Variants in CD69 observed in about 807,000 individuals in gnomAD.
CD69 encodes early activation antigen CD69.
In CD69, 10 loss-of-function variants were observed where a neutral mutation model predicts 21.4. The observed-to-expected ratio is 0.47, with a 90% CI of 0.29 to 0.79. CD69 has a LOEUF of 0.79. Among genes scored for constraint, CD69 ranks in the 30% least tolerant of loss-of-function variants. The pLI is 0.09. For synonymous variants in CD69, 63 were observed against 78.2 expected (o/e 0.81, Z 1.03); for missense variants, 204 against 236.9 (o/e 0.86, Z 0.91).
chr12:9,753,972 G>A (rs1180776998), intron 4 of CD69, among the ~76,000 whole-genome samples: 4 of 152,152 alleles, frequency 2.6e-5, no homozygotes, highest in Non-Finnish European at 5.9e-5. Context: ...TGTGGATATG[G>A]AGCCATAGGA....
intron 1 of CD69, among the ~76,000 whole-genome samples, chr12:9,757,806 T>G (rs1866691553): frequency 6.6e-6 from 1 of 152,192 alleles, no homozygotes; most frequent in Admixed American, 6.5e-5. Flanking sequence ...CTGTCTAGGG[T>G]GATGGAAAGA....
Position 9,753,368 on chromosome 12 carries a change from AT to A in CD69, c.*112del, listed in dbSNP as rs1279039659. 2.0e-5 allele frequency: 9 copies of A among 450,222 alleles called. No homozygotes were observed. The highest frequency in any genetic ancestry group is 4.9e-5 in the South Asian group (1 of 20,372). The allele number at this position is 450,222 out of a possible 1,614,324, so 27.9% of individuals were successfully genotyped here. On this transcript the variant is annotated 3_prime_UTR_variant, in exon 5 of 5. Coordinates refer to ENST00000228434, the MANE Select transcript of CD69 (RefSeq NM_001781.2). ...AAGAAAATTCCCAAGACACTATAAA[AT>A]TTTTTTTCACAAAGTCTCTATGGAA... is the stretch of plus-strand genomic sequence containing the variant.
At chr12:9,758,291 C>T (rs746380870) in intron 1 of CD69, among the ~76,000 whole-genome samples, 1 of 151,980 alleles carries the variant, frequency 6.6e-6, no homozygotes, top group Non-Finnish European at 1.5e-5. Context: ...GTATACAGGT[C>T]CCTATTATGT....
At position 9,760,854 on chromosome 12, in the gene CD69, T is replaced by A. The variant is rs725943; in HGVS notation, c.-34A>T. On this transcript the variant is annotated 5_prime_UTR_variant, in exon 1 of 5. Transcript: ENST00000228434. ...TCAAGATTCCCTAGTTAATCTCAGG[T>A]CAAGTCAAGCTACAGTGAAAGTCTT... is the stretch of plus-strand genomic sequence containing the variant. 11,432 of 1,564,946 alleles carry A rather than the reference T, an allele frequency of 7.3e-3. 728 individuals are homozygous for A. The African/African-American group carries it at 0.14, about 19-fold the overall frequency.
At position 9,758,430 on chromosome 12, in the gene CD69, C is replaced by A. The variant is rs142243850; in HGVS notation, c.65-2011G>T. Reference sequence around the variant, plus strand: ...TTAAAAAAGTTTACATAAGACATATCTTGAAATACACATATTTTTACCCTT... The same window carrying A: ...TTAAAAAAGTTTACATAAGACATATATTGAAATACACATATTTTTACCCTT... On this transcript the variant is annotated intron_variant, in intron 1 of 4. Transcript: ENST00000228434. Among the ~76,000 whole-genome samples the A allele has an allele frequency of 2.1e-3, 314 of 152,262 alleles. 3 individuals are homozygous for A. Among genetic ancestry groups the A allele is most frequent in the Middle Eastern group, 0.01 (3 of 294 alleles).
At chr12:9,757,082 A>AAAAT (rs909306105) in intron 1 of CD69, among the ~76,000 whole-genome samples, 26 of 152,272 alleles carry the variant, frequency 1.7e-4, no homozygotes, top group South Asian at 6.2e-4. Flanking sequence ...CTTGTCTAAA[A>AAAAT]AAATAAATAA....
At position 9,753,443 on chromosome 12, in the gene CD69, C is replaced by T. The variant is rs973280767; in HGVS notation, c.*38G>A. 1.4e-5 allele frequency: 12 copies of T among 886,516 alleles called. No individual in the cohort carries two copies. In the African/African-American group the frequency reaches 1.5e-4, roughly 11 times the overall value. The allele number at this position is 886,516 out of a possible 1,614,324, so 54.9% of individuals were successfully genotyped here. On this transcript the variant is annotated 3_prime_UTR_variant, in exon 5 of 5. Coordinates refer to ENST00000228434, the MANE Select transcript of CD69 (RefSeq NM_001781.2). ...CCACTGACACAGATTTCCTTGAGTT[C>T]CATTCTATAATAGTCAATAAGTGAA...
In CD69 at chr12:9,760,774, G is replaced by A. The variant is rs764551801; in HGVS notation, c.47C>T (p.Pro16Leu). 1.4e-5 allele frequency: 22 copies of A among 1,612,396 alleles called. No individual in the cohort carries two copies. Among genetic ancestry groups the A allele is most frequent in the South Asian group, 4.4e-5 (4 of 91,052 alleles). ...CFVAENSSLH[P>L]ESGQENDATS... ...TGACTTACTTTCTTGTCCACTCTCC[G>A]GATGCAAAGAGCTGTTCTCTGCTAC... The change falls in exon 1 of 5, where the codon CCG (proline) becomes CTG (leucine). Residue 16 changes from proline to leucine, a missense_variant. Physicochemically the swap from Pro to Leu is moderately conservative, Grantham distance 98. Coordinates refer to ENST00000228434, the MANE Select transcript of CD69 (RefSeq NM_001781.2).
At chr12:9,756,604 G>A (rs778122495) in intron 1 of CD69, among the ~76,000 whole-genome samples, 185 bp from the exon 2 acceptor site, 1 of 152,006 alleles carries the variant, frequency 6.6e-6, no homozygotes, top group Non-Finnish European at 1.5e-5. Flanking sequence ...ATAGTTTATT[G>A]TTGGCTTGAA....
intron 1 of CD69, among the ~76,000 whole-genome samples, chr12:9,756,688 TAC>T (rs1258000010): frequency 6.6e-6 from 1 of 152,208 alleles, no homozygotes; most frequent in Non-Finnish European, 1.5e-5. Flanking sequence ...ATATGATTTA[TAC>T]ACTTAGTAAC....
chr12:9,753,533 C>T lies in CD69; in HGVS notation c.548G>A (p.Ser183Asn). The change falls in exon 5 of 5, where the codon AGC (serine) becomes AAC (asparagine). Residue 183 changes from serine (S) to asparagine (N), a missense_variant. Physicochemically the swap from Ser to Asn is conservative, Grantham distance 46 (BLOSUM62 1). Transcript: ENST00000228434. Reference protein sequence around the residue: ...CVFLKNTEVSSMECEKNLYWI... With the variant: ...CVFLKNTEVSNMECEKNLYWI... ...GTATAAATTCTTCTCACATTCCATG[C>T]TGCTGACCTCTGTGTTTTTCAGAAA... 6.3e-7 allele frequency: 1 copy of T among 1,588,520 alleles called. No homozygotes were observed. The highest frequency in any genetic ancestry group is 1.3e-5 in the African/African-American group (1 of 74,424).
Position 9,760,741 on chromosome 12 carries a change from A to G in CD69, c.64+16T>C, listed in dbSNP as rs771074006. 5.0e-6 allele frequency: 8 copies of G among 1,599,548 alleles called. No homozygotes were observed. The East Asian group carries it at 1.3e-4, about 27-fold the overall frequency. On this transcript the variant is annotated intron_variant, in intron 1 of 4. Coordinates refer to ENST00000228434, the MANE Select transcript of CD69 (RefSeq NM_001781.2). ...AGAGATACCAGAGAGTAAATAGGCA[A>G]TCAGATCTGACTTACTTTCTTGTCC... is the stretch of plus-strand genomic sequence containing the variant.
Position 9,753,585 on chromosome 12 carries a change from T to C in CD69, c.496A>G (p.Asn166Asp). ...ACACACTTGTCAGACCCTGTAACGT[T>C]GAACCTGTCAAACAATAAAAAAACT... ...SNGKEFNNWFNVTGSDKCVFL... is the reference protein window; with the variant it reads ...SNGKEFNNWFDVTGSDKCVFL... The change falls in exon 5 of 5, where the codon AAC (asparagine) becomes GAC (aspartate). Residue 166 changes from asparagine (N) to aspartate (D), a missense_variant. Asn to Asp is a conservative substitution (Grantham distance 23). Coordinates refer to ENST00000228434, the MANE Select transcript of CD69 (RefSeq NM_001781.2). 6.8e-7 allele frequency: 1 copy of C among 1,471,586 alleles called. No individual in the cohort carries two copies. The highest frequency in any genetic ancestry group is 9.4e-7 in the Non-Finnish European group (1 of 1,061,784). The allele number at this position is 1,471,586 out of a possible 1,614,324, so 91.2% of individuals were successfully genotyped here.
At chr12:9,758,846 C>T (rs987959068) in intron 1 of CD69, among the ~76,000 whole-genome samples, 4 of 152,222 alleles carry the variant, frequency 2.6e-5, no homozygotes, top group Admixed American at 6.5e-5. Context: ...TCCAGAGTCT[C>T]AGTCAGCCCA....
In CD69 at chr12:9,756,329, GTGA is replaced by G; in HGVS notation, c.152_154del (p.Ile51del). 1 of 1,613,590 alleles carries G rather than the reference GTGA, an allele frequency of 6.2e-7. No individual in the cohort carries two copies. Among genetic ancestry groups the G allele is most frequent in the Non-Finnish European group, 8.5e-7 (1 of 1,179,628 alleles). ...GGCAATGAGAGCTATGATTAAAATG[GTGA>G]TGAAGACCACATTCATTACAGCACA... On this transcript the variant is annotated inframe_deletion, in exon 2 of 5. Coordinates refer to ENST00000228434, the MANE Select transcript of CD69 (RefSeq NM_001781.2).
intron 1 of CD69, among the ~76,000 whole-genome samples, chr12:9,757,192 GTAAAA>G (rs1426105181): frequency 6.6e-6 from 1 of 152,112 alleles, no homozygotes; most frequent in East Asian, 1.9e-4. Context: ...ATATCATAAA[GTAAAA>G]TATTGAATTG....
chr12:9,757,159 T>G (rs1311251346), intron 1 of CD69, among the ~76,000 whole-genome samples: 1 of 152,138 alleles, frequency 6.6e-6, no homozygotes, highest in Non-Finnish European at 1.5e-5. Flanking sequence ...AGAGAAATGA[T>G]GTGAATGGGA....
At chr12:9,760,173 A>G (rs778344455) in intron 1 of CD69, among the ~76,000 whole-genome samples, 1 of 152,228 alleles carries the variant, frequency 6.6e-6, no homozygotes, top group Admixed American at 6.5e-5. Context: ...ATCTGCTGAT[A>G]TAGCTATTCT....
At position 9,754,622 on chromosome 12, in the gene CD69, T is replaced by C. The variant is rs540178434; in HGVS notation, c.456A>G (p.Pro152=). ...WVGLKKEPGH[P]WKWSNGKEFN... is the part of the protein sequence containing the mutation. Reference sequence around the variant, plus strand: ...ATTCTTTGCCATTTGACCACTTCCATGGGTGACCAGGTTCCTTTTTCAGTC... The same window carrying C: ...ATTCTTTGCCATTTGACCACTTCCACGGGTGACCAGGTTCCTTTTTCAGTC... Residue 152 remains proline, a synonymous_variant, in exon 4 of 5, where the codon CCA becomes CCG. Coordinates refer to ENST00000228434, the MANE Select transcript of CD69 (RefSeq NM_001781.2). 33 of 1,612,442 alleles carry C rather than the reference T, an allele frequency of 2.0e-5. 1 individual carries two copies. The South Asian group carries it at 3.1e-4, about 15-fold the overall frequency.
Sources: allele counts gnomAD v4.1 joint callset (sites outside exome capture counted in the v4.1 genomes callset), GRCh38; gene constraint gnomAD v4.1.1; transcripts MANE v1.5; gene names NCBI Gene and HGNC (gene_info 2026-07-23, HGNC 2026-07-21).